Variants in LUZP2 observed in about 807,000 individuals in gnomAD.
LUZP2 encodes the protein leucine zipper protein 2.
LUZP2 carries 52 observed loss-of-function variants against 51.6 expected under a neutral mutation model. The observed-to-expected ratio is 1.01, with a 90% confidence interval of 0.81 to 1.27. The LOEUF is 1.27. Among genes scored for constraint, LUZP2 ranks in the 50% most tolerant of loss-of-function variants. The probability of loss-of-function intolerance (pLI) is 0.00; values close to 1 mark genes in which losing one functional copy is unlikely to be tolerated. For missense variants in LUZP2, 436 were observed against 395.4 expected (o/e 1.10, Z -0.87); for synonymous variants, 154 against 137.3 (o/e 1.12, Z -0.85).
At chr11:25,019,152 T>C (rs1267943567) in intron 9 of LUZP2, among the ~76,000 whole-genome samples, 2 of 152,224 alleles carry the variant, frequency 1.3e-5, no homozygotes, top group Middle Eastern at 3.2e-3. Flanking sequence ...GTATATTCCA[T>C]GACTTTTGAC....
rs1270904710 is a variant in LUZP2, at chr11:24,865,776, GTA to G, written c.397-40211_397-40210del. 2.6e-3 allele frequency among the ~76,000 whole-genome samples: 110 copies of G among 43,038 alleles called. 1 individual carries two copies. The highest frequency in any genetic ancestry group is 8.4e-3 in the African/African-American group (102 of 12,098). The allele number at this position is 43,038 out of a possible 152,430, so 28.2% of individuals were successfully genotyped here. ...TATTTATATGTGTATATATATGCAT[GTA>G]TATGTGTGTGTGTGTGTGTGTATAT... is the stretch of plus-strand genomic sequence containing the variant. On this transcript the variant is annotated intron_variant, in intron 5 of 11. Coordinates refer to ENST00000336930, the MANE Select transcript of LUZP2 (RefSeq NM_001009909.4).
intron 5 of LUZP2, among the ~76,000 whole-genome samples, chr11:24,819,727 CA>C (rs1009475538): frequency 4.0e-5 from 6 of 151,782 alleles, no homozygotes; most frequent in Middle Eastern, 3.2e-3. Context: ...ACACATTAAT[CA>C]AATAATTTTT....
intron 1 of LUZP2, among the ~76,000 whole-genome samples, chr11:24,531,715 A>G (rs1473532346): frequency 2.0e-5 from 3 of 151,040 alleles, no homozygotes; most frequent in East Asian, 1.9e-4. Flanking sequence ...TTTGTTTAAC[A>G]TACCACAAAT....
chr11:24,816,861 G>A (rs919471917), intron 5 of LUZP2, among the ~76,000 whole-genome samples: 11 of 151,830 alleles, frequency 7.2e-5, no homozygotes, highest in African/African-American at 2.4e-4. Context: ...TTTTCTGGGC[G>A]GTATATTTGA....
intron 1 of LUZP2, among the ~76,000 whole-genome samples, chr11:24,536,931 A>G (rs992831379): frequency 2.0e-5 from 3 of 151,804 alleles, no homozygotes; most frequent in Non-Finnish European, 4.4e-5. Flanking sequence ...TTGGGTTACT[A>G]ATTAGTCTAA....
intron 1 of LUZP2, among the ~76,000 whole-genome samples, chr11:24,697,969 C>T (rs1392406371): frequency 1.3e-5 from 2 of 152,110 alleles, no homozygotes; most frequent in Non-Finnish European, 2.9e-5. Flanking sequence ...TGCACAAAGA[C>T]CGTTCTGATG....
intron 9 of LUZP2, among the ~76,000 whole-genome samples, chr11:25,032,174 A>T (rs1186210907): frequency 1.3e-5 from 2 of 152,136 alleles, no homozygotes; most frequent in African/African-American, 4.8e-5. Context: ...CCAGAAACAC[A>T]CATAGTTTCT....
At chr11:24,510,768 A>G (rs150438840) in intron 1 of LUZP2, among the ~76,000 whole-genome samples, 2 of 152,220 alleles carry the variant, frequency 1.3e-5, no homozygotes, top group African/African-American at 4.8e-5. Context: ...ATTTTTAAAA[A>G]TTCTAATTTT....
At chr11:24,615,078 TTTAG>T (rs1348456300) in intron 1 of LUZP2, among the ~76,000 whole-genome samples, 2 of 152,052 alleles carry the variant, frequency 1.3e-5, no homozygotes, top group African/African-American at 2.4e-5. Context: ...ATTTTATGGA[TTTAG>T]TTATTCAATT....
At chr11:24,846,911 A>C (rs1342023686) in intron 5 of LUZP2, among the ~76,000 whole-genome samples, 1 of 151,636 alleles carries the variant, frequency 6.6e-6, no homozygotes, top group Non-Finnish European at 1.5e-5. Flanking sequence ...ATATACATGT[A>C]TATACACATA....
At chr11:24,950,543 C>A (rs141101733) in intron 7 of LUZP2, among the ~76,000 whole-genome samples, 3 of 151,392 alleles carry the variant, frequency 2.0e-5, no homozygotes, top group Non-Finnish European at 3.0e-5. Context: ...CCTCTCTAAC[C>A]GTAAGGATAA....
chr11:24,617,935 C>A (rs1854345547), intron 1 of LUZP2, among the ~76,000 whole-genome samples: 1 of 152,090 alleles, frequency 6.6e-6, no homozygotes, highest in South Asian at 2.1e-4. Context: ...CTTATTTAAA[C>A]CATCTGTTTT....
chr11:24,741,981 T>A (rs1859187024), intron 4 of LUZP2, among the ~76,000 whole-genome samples: 1 of 82,458 alleles, frequency 1.2e-5, no homozygotes, highest in Non-Finnish European at 2.9e-5. Flanking sequence ...TACATTTATA[T>A]ATTATATATA....
chr11:25,000,963 G>T lies in LUZP2; in HGVS notation c.765+17670G>T, dbSNP rs192224771. Among the ~76,000 whole-genome samples, 355 of 152,234 alleles carry T rather than the reference G, an allele frequency of 2.3e-3. 1 individual carries two copies. Among genetic ancestry groups the T allele is most frequent in the African/African-American group, 8.2e-3 (339 of 41,530 alleles). On this transcript the variant is annotated intron_variant, in intron 9 of 11. Transcript: ENST00000336930. The stretch of plus-strand genomic sequence containing the variant: ...TGAAGTAGATAAACTGGCTATTCTG[G>T]TTCCTGTAGCAGTGGCCATTTCTAA...
chr11:24,772,919 A>G (rs1251700723), intron 5 of LUZP2, among the ~76,000 whole-genome samples: 1 of 151,804 alleles, frequency 6.6e-6, no homozygotes, highest in Non-Finnish European at 1.5e-5. Flanking sequence ...TTTTGAACCC[A>G]CTCTAATCCA....
At chr11:24,828,394 A>G (rs1850604096) in intron 5 of LUZP2, among the ~76,000 whole-genome samples, 1 of 152,110 alleles carries the variant, frequency 6.6e-6, no homozygotes, top group South Asian at 2.1e-4. Flanking sequence ...GTAAAAATTC[A>G]CTATGTTTAC....
rs77191556 is a variant in LUZP2, at chr11:24,971,472, G to A, written c.523-5119G>A. Among the ~76,000 whole-genome samples, 1,520 of 152,110 alleles carry A rather than the reference G, an allele frequency of 1.0e-2. 18 individuals are homozygous for A. The highest frequency in any genetic ancestry group is 0.031 in the African/African-American group (1,270 of 41,500). On this transcript the variant is annotated intron_variant, in intron 7 of 11. Coordinates refer to ENST00000336930, the MANE Select transcript of LUZP2 (RefSeq NM_001009909.4). ...GTACCAGTCTGTGGCATAGGGGCTG[G>A]GGACCACTGTACTAGAGGGTGGAGG...
At chr11:24,946,481 AATT>A (rs1854905888) in intron 7 of LUZP2, among the ~76,000 whole-genome samples, 1 of 151,574 alleles carries the variant, frequency 6.6e-6, no homozygotes, top group Admixed American at 6.6e-5. Flanking sequence ...AATTCCTTTT[AATT>A]ATATGTTTTG....
intron 1 of LUZP2, among the ~76,000 whole-genome samples, chr11:24,530,999 C>A (rs1850975165): frequency 6.9e-6 from 1 of 145,484 alleles, no homozygotes; most frequent in Admixed American, 7.0e-5. Context: ...TTTACCTGAA[C>A]CTTTCCCTTA....
Sources: gnomAD v4.1 joint callset for allele counts (sites outside exome capture counted in the v4.1 genomes callset) on GRCh38, gnomAD v4.1.1 for gene constraint, MANE v1.5 for transcripts, NCBI Gene and HGNC (gene_info 2026-07-23, HGNC 2026-07-21) for gene names.